Variants in TSNARE1 observed in about 807,000 individuals in gnomAD.
TSNARE1 encodes t-SNARE domain containing 1.
A neutral mutation model predicts 62.0 loss-of-function variants in TSNARE1; 49 were observed. The observed-to-expected ratio is 0.79, with a 90% CI of 0.63 to 1.00. The LOEUF is 1.00. Ranked by LOEUF, TSNARE1 falls within the 50% of genes least tolerant of loss-of-function variation. The pLI, the probability that TSNARE1 is intolerant of heterozygous loss-of-function variation, is 0.00. For synonymous variants in TSNARE1, 328 were observed against 294.4 expected, an observed-to-expected ratio of 1.11 and a Z score of -1.17; for missense variants, 755 against 700.1, an observed-to-expected ratio of 1.08 and a Z score of -0.88.
At chr8:142,315,976 T>C (rs1828463755) in intron 7 of TSNARE1, among the ~76,000 whole-genome samples, 1 of 152,290 alleles carries the variant, frequency 6.6e-6, no homozygotes, top group Non-Finnish European at 1.5e-5. Flanking sequence ...GAAGGAGCCA[T>C]TCGCTTCACG....
chr8:142,349,749 G>A (rs551700867), intron 2 of TSNARE1, among the ~76,000 whole-genome samples: 11 of 152,200 alleles, frequency 7.2e-5, no homozygotes, highest in African/African-American at 1.2e-4. Context: ...CGAGCTTCAC[G>A]GGTGTCGACA....
intron 12 of TSNARE1, among the ~76,000 whole-genome samples, chr8:142,236,333 C>A (rs559687251): frequency 6.6e-6 from 1 of 151,952 alleles, no homozygotes; most frequent in African/African-American, 2.4e-5. Flanking sequence ...GGTGGGGAGC[C>A]TGGCAGGGGC....
chr8:142,396,756 A>T (rs1478672468), intron 1 of TSNARE1, among the ~76,000 whole-genome samples: 1 of 152,140 alleles, frequency 6.6e-6, no homozygotes, highest in Non-Finnish European at 1.5e-5. Flanking sequence ...GACTTCAGGT[A>T]AGTTTCCCAA....
chr8:142,217,404 A>C (rs1011616653), intron 13 of TSNARE1, among the ~76,000 whole-genome samples: 1 of 152,244 alleles, frequency 6.6e-6, no homozygotes, highest in Non-Finnish European at 1.5e-5. Flanking sequence ...GCAAGCAAGC[A>C]ACGGCGTAAG....
intron 11 of TSNARE1, among the ~76,000 whole-genome samples, chr8:142,283,855 T>A (rs909963142): frequency 1.4e-5 from 2 of 139,884 alleles, no homozygotes; most frequent in African/African-American, 5.1e-5. Flanking sequence ...AGGGTTAGTG[T>A]CTGTCAACGA....
At chr8:142,318,364 G>A (rs1442438893) in intron 7 of TSNARE1, among the ~76,000 whole-genome samples, 180 bp downstream of exon 7, 1 of 152,206 alleles carries the variant, frequency 6.6e-6, no homozygotes, top group African/African-American at 2.4e-5. Context: ...GCTGCTGCCT[G>A]AATGGCTGCA....
chr8:142,291,513 C>T lies in TSNARE1; in HGVS notation c.1291-7028G>A, dbSNP rs781164277. Among the ~76,000 whole-genome samples the T allele has an allele frequency of 1.3e-5, 2 of 152,126 alleles. No individual in the cohort carries two copies. Among genetic ancestry groups the T allele is most frequent in the Non-Finnish European group, 2.9e-5 (2 of 68,020 alleles). On this transcript the variant is annotated intron_variant, in intron 10 of 13. Transcript: ENST00000524325. This position sits in a 1 kb window ranked among gnomAD's most constrained non-coding sequence, Gnocchi z 4.8. ...GATAGAAACACACTCACCCAGCCCCCGACCCAGCCCTCCTCCACCCACCCC... is the reference window on the plus strand; with the variant it reads ...GATAGAAACACACTCACCCAGCCCCTGACCCAGCCCTCCTCCACCCACCCC...
rs572389474 is a variant in TSNARE1 at position 142,285,221 on chromosome 8, T to C, written c.1291-736A>G. Among the ~76,000 whole-genome samples the C allele has an allele frequency of 4.2e-3, 587 of 140,908 alleles. 5 individuals are homozygous for C. Among genetic ancestry groups the C allele is most frequent in the Middle Eastern group, 0.013 (3 of 226 alleles). 92.4% of individuals were successfully genotyped at this position (140,908 alleles called of 152,430 possible). On this transcript the variant is annotated intron_variant, in intron 10 of 13. Coordinates refer to ENST00000524325, the MANE Select transcript of TSNARE1 (RefSeq NM_145003.5). The stretch of plus-strand genomic sequence containing the variant: ...ATGGGCGAGTGGATGGACAGATGAA[T>C]GGGTGGATGGATGGATGGGTAGATG...
intron 12 of TSNARE1, chr8:142,269,367 G>A (rs2130461093): frequency 1.1e-6 from 1 of 908,842 alleles, no homozygotes; most frequent in Non-Finnish European, 1.3e-6. Flanking sequence ...GACACAGTGT[G>A]GGGTGAAGGT....
rs557302829 is a variant in TSNARE1, at chr8:142,299,600, CATAT to C, written c.1290+882_1290+885del. On this transcript the variant is annotated intron_variant, in intron 10 of 13. Transcript: ENST00000524325. ...CATCAAGAGAGAAGAGGCTCACTCACATATGCATGCACTTACACATGCATGCACA... is the reference window on the plus strand; with the variant it reads ...CATCAAGAGAGAAGAGGCTCACTCACGCATGCACTTACACATGCATGCACA... Among the ~76,000 whole-genome samples the C allele has an allele frequency of 3.6e-3, 542 of 152,366 alleles. 15 individuals are homozygous for C. The highest frequency in any genetic ancestry group is 0.029 in the Admixed American group (440 of 15,312).
intron 1 of TSNARE1, among the ~76,000 whole-genome samples, chr8:142,380,069 A>T (rs1425692536): frequency 6.6e-6 from 1 of 152,094 alleles, no homozygotes; most frequent in Non-Finnish European, 1.5e-5. Flanking sequence ...TCCAGGTCAC[A>T]ACAACAACAA....
intron 12 of TSNARE1, chr8:142,271,153 G>T: frequency 1.0e-6 from 1 of 988,282 alleles, no homozygotes; most frequent in Non-Finnish European, 1.2e-6. Context: ...GGGTGCCCTT[G>T]GGGCTGTCCT....
chr8:142,337,661 G>A (rs544610647), intron 4 of TSNARE1, among the ~76,000 whole-genome samples: 7 of 152,320 alleles, frequency 4.6e-5, no homozygotes, highest in East Asian at 3.9e-4. Flanking sequence ...CCACGGTTAC[G>A]AGGCAGGGGC....
chr8:142,243,963 G>A (rs990400298), intron 12 of TSNARE1, among the ~76,000 whole-genome samples: 8 of 152,152 alleles, frequency 5.3e-5, no homozygotes, highest in African/African-American at 9.7e-5. Flanking sequence ...CGAGGCAGGC[G>A]GATCACGAGG....
intron 1 of TSNARE1, among the ~76,000 whole-genome samples, chr8:142,360,478 G>A (rs766404859): frequency 1.4e-4 from 21 of 152,272 alleles, no homozygotes; most frequent in African/African-American, 4.6e-4. Context: ...AGAATAGCCC[G>A]AGCTCCAGGG....
chr8:142,318,639 G>A lies in TSNARE1; in HGVS notation c.894-5C>T, dbSNP rs1828961908. On this transcript the variant is annotated splice_polypyrimidine_tract_variant and splice_region_variant and intron_variant, in intron 6 of 13. Transcript: ENST00000524325. ...GTCTCCTGCTGTGCCGTGTGCCTGG[G>A]GGCCGAGAAGGAGCCAGGAGCGAAG... 1 of 1,613,556 alleles carries A rather than the reference G, an allele frequency of 6.2e-7. No individual in the cohort carries two copies. The highest frequency in any genetic ancestry group is 8.5e-7 in the Non-Finnish European group (1 of 1,179,956).
chr8:142,215,273 C>T (rs149430713), intron 13 of TSNARE1, among the ~76,000 whole-genome samples: 58 of 152,332 alleles, frequency 3.8e-4, no homozygotes, highest in Admixed American at 2.2e-3. Context: ...CCCCCACTTC[C>T]TAGCTGCCTG....
chr8:142,280,113 C>A, intron 11 of TSNARE1: 1 of 1,147,380 alleles, frequency 8.7e-7, no homozygotes. Flanking sequence ...GTGTGCCCCG[C>A]AGCGCCCCGA....
chr8:142,310,696 C>CA (rs1420748871), intron 9 of TSNARE1, among the ~76,000 whole-genome samples: 1 of 152,184 alleles, frequency 6.6e-6, no homozygotes, highest in African/African-American at 2.4e-5. Context: ...AGTCAGGTGT[C>CA]AGTCTTGTCC....
Sources: gnomAD v4.1 joint callset for allele counts (sites outside exome capture counted in the v4.1 genomes callset) on GRCh38, gnomAD v4.1.1 for gene constraint, Gnocchi (gnomAD v3.1) non-coding constraint, MANE v1.5 for transcripts, NCBI Gene and HGNC (gene_info 2026-07-23, HGNC 2026-07-21) for gene names.